The following GLB1L variants were observed in gnomAD, a reference collection of about 807,000 sequenced individuals.
GLB1L encodes galactosidase beta 1 like, also known as beta-galactosidase-1-like protein.
A neutral mutation model predicts 75.7 loss-of-function variants in GLB1L; 58 were observed. The ratio of observed to expected loss-of-function variants is 0.77; its 90% CI spans 0.62 to 0.95. The LOEUF is 0.95. Ranked by LOEUF, GLB1L falls within the 40% of genes least tolerant of loss-of-function variation. GLB1L has a pLI of 0.00. For missense variants in GLB1L, 797 were observed against 805.5 expected (o/e 0.99, Z 0.13); for synonymous variants, 296 against 303.0 (o/e 0.98, Z 0.24).
chr2:219,239,811 A>C lies in GLB1L; in HGVS notation c.744T>G (p.Phe248Leu). 6.2e-7 allele frequency: 1 copy of C among 1,614,212 alleles called. No homozygotes were observed. Among genetic ancestry groups the C allele is most frequent in the Non-Finnish European group, 8.5e-7 (1 of 1,180,042 alleles). Residue 248 changes from phenylalanine (F) to leucine (L), a missense_variant, in exon 8 of 17, where the codon TTT becomes TTG. Transcript: ENST00000295759. ...FGPADNMTKI[F>L]TLLRKYEPHG... is the part of the protein sequence containing the mutation. The stretch of plus-strand genomic sequence containing the variant: ...GGGGTTCATACTTCCGAAGCAGGGT[A>C]AAGATTTTGGTCATGTTGTCAGCTG...
In GLB1L at chr2:219,237,533, T is replaced by C. The variant is rs377210014; in HGVS notation, c.1668A>G (p.Leu556=). The stretch of plus-strand genomic sequence containing the variant: ...ATACCTTGGTCCATCCAGGTAGATA[T>C]AGAAATGTGTCCCCAACTGAGCCTA... ...PILGSVGDTF[L]YLPGWTKGQV... Residue 556 remains leucine (L), a synonymous_variant, in exon 16 of 17, where the codon CTA becomes CTG. Coordinates refer to ENST00000295759, the MANE Select transcript of GLB1L (RefSeq NM_001286423.2). 34 of 1,614,024 alleles carry C rather than the reference T, an allele frequency of 2.1e-5. No individual in the cohort carries two copies. The highest frequency in any genetic ancestry group is 1.8e-4 in the Admixed American group (11 of 60,002).
In GLB1L at chr2:219,240,261, C is replaced by T. The variant is rs780149477; in HGVS notation, c.476G>A (p.Trp159Ter). Residue 159 changes from tryptophan (W) to a stop codon, truncating the protein, a stop_gained, in exon 6 of 17, where the codon TGG becomes TAG. Transcript: ENST00000295759. LOFTEE classifies it high-confidence loss of function. Reference sequence around the variant, plus strand: ...TATCTTGGGCAGCAAGACCTTGAACCAGGAGTCCACTGCGGCAAGGAAGTC... The same window carrying T: ...TATCTTGGGCAGCAAGACCTTGAACTAGGAGTCCACTGCGGCAAGGAAGTC... ...DPDFLAAVDS[W>*]FKVLLPKIYP... 6 of 1,614,216 alleles carry T rather than the reference C, an allele frequency of 3.7e-6. No individual in the cohort carries two copies. The highest frequency in any genetic ancestry group is 3.4e-6 in the Non-Finnish European group (4 of 1,180,034).
rs1168507273 is a variant in GLB1L, at chr2:219,243,218, G to A, written c.169C>T (p.Arg57Trp). ...TCGGCCCAAAGCACCCGCGGTACCC[G>A]AAAGTAGTGCAGGCTGCCAGACACA... ...RYVSGSLHYF[R>W]VPRVLWADRL... The change falls in exon 3 of 17, where the codon CGG becomes TGG. Residue 57 changes from arginine to tryptophan, a missense_variant. Arg to Trp is a moderately radical substitution (Grantham distance 101). Transcript: ENST00000295759. 2.5e-6 allele frequency: 4 copies of A among 1,614,184 alleles called. No homozygotes were observed. The highest frequency in any genetic ancestry group is 3.4e-6 in the Non-Finnish European group (4 of 1,180,008).
In GLB1L at chr2:219,240,093, A is replaced by G; in HGVS notation, c.548T>C (p.Val183Ala). 6.2e-7 allele frequency: 1 copy of G among 1,613,680 alleles called. No individual in the cohort carries two copies. Among genetic ancestry groups the G allele is most frequent in the Non-Finnish European group, 8.5e-7 (1 of 1,179,680 alleles). The change falls in exon 7 of 17, where the codon GTG (valine) becomes GCG (alanine). Residue 183 changes from valine (V) to alanine (A), a missense_variant and splice_region_variant. Transcript: ENST00000295759. ...HNGGNIISIQ[V>A]ENEYGSYRAC... ...TCTGTAGCTACCATATTCATTCTCCACCTGCCAGAGGGGAGGGAAAGTGGA... is the reference window on the plus strand; with the variant it reads ...TCTGTAGCTACCATATTCATTCTCCGCCTGCCAGAGGGGAGGGAAAGTGGA...
At chr2:219,239,710 G>A in intron 8 of GLB1L, 28 bp from the exon 9 acceptor site, 2 of 1,614,198 alleles carry the variant, frequency 1.2e-6, no homozygotes, top group East Asian at 4.5e-5. Context: ...AGGAGTGTGA[G>A]TGAGATGGAA....
chr2:219,238,045 G>C, intron 14 of GLB1L, 88 bp from the exon 15 acceptor site: 2 of 1,353,010 alleles, frequency 1.5e-6, no homozygotes, highest in Non-Finnish European at 1.0e-6. Context: ...TACTTATTTG[G>C]AGGGCAGAGA....
intron 1 of GLB1L, among the ~76,000 whole-genome samples, chr2:219,244,588 G>A (rs542381353): frequency 6.6e-6 from 1 of 151,110 alleles, no homozygotes; most frequent in African/African-American, 2.5e-5. Context: ...GCCTGCCTCC[G>A]CAACAGATAT....
Position 219,244,659 on chromosome 2 carries a change from T to C in GLB1L, c.-71+570A>G, listed in dbSNP as rs576187820. On this transcript the variant is annotated intron_variant, in intron 1 of 16. Coordinates refer to ENST00000295759, the MANE Select transcript of GLB1L (RefSeq NM_001286423.2). ...TGTGAATTTCCGTTCCTTTTGCCTT[T>C]ACAGTCTCAAGAATGGGATGTGAAG... 1.7e-4 allele frequency among the ~76,000 whole-genome samples: 26 copies of C among 152,350 alleles called. No homozygotes were observed. In the South Asian group the frequency reaches 5.2e-3, roughly 30 times the overall value.
Position 219,240,176 on chromosome 2 carries a change from ACTTCC to A in GLB1L, c.546+10_546+14del. The A allele has an allele frequency of 1.2e-6, 2 of 1,613,708 alleles. No homozygotes were observed. The highest frequency in any genetic ancestry group is 1.1e-5 in the South Asian group (1 of 91,072). On this transcript the variant is annotated intron_variant, in intron 6 of 16. Transcript: ENST00000295759. ...TGTACCTTCTTCCCCTGCTCCAGTC[ACTTCC>A]CCCTTGTACCTGAATGCTAATGATG... is the stretch of plus-strand genomic sequence containing the variant.
intron 1 of GLB1L, 78 bp from the exon 2 acceptor site, chr2:219,243,721 C>A: frequency 1.4e-6 from 1 of 693,488 alleles, no homozygotes; most frequent in South Asian, 1.7e-5. Flanking sequence ...CTGCAGCCAC[C>A]CCCTTACTCT....
At chr2:219,243,357 A>G in intron 2 of GLB1L, 43 bp from the exon 3 acceptor site, 10 of 1,591,218 alleles carry the variant, frequency 6.3e-6, no homozygotes, top group Non-Finnish European at 8.6e-6. Flanking sequence ...GCCTGGAGGG[A>G]GCGTCGAGGG....
In GLB1L at chr2:219,238,497, G is replaced by A; in HGVS notation, c.1225C>T (p.Gln409Ter). 1 of 1,613,600 alleles carries A rather than the reference G, an allele frequency of 6.2e-7. No individual in the cohort carries two copies. Among genetic ancestry groups the A allele is most frequent in the Non-Finnish European group, 8.5e-7 (1 of 1,179,538 alleles). The change falls in exon 13 of 17, where the codon CAG becomes TAG. Residue 409 changes from glutamine to a stop codon, truncating the protein, a stop_gained and splice_region_variant. Coordinates refer to ENST00000295759, the MANE Select transcript of GLB1L (RefSeq NM_001286423.2). LOFTEE classifies it high-confidence loss of function. ...CCAGATGTGGGTTTATGCCTTACCT[G>A]CTTGACAGCCTCAAAGGTCATTGGC... ...ILPMTFEAVK[Q>*]DHGFMLYRTY...
rs1206479469 is a variant in GLB1L at position 219,242,549 on chromosome 2, C to T, written c.416G>A (p.Arg139Gln). The change falls in exon 5 of 17, where the codon CGA becomes CAA. Residue 139 changes from arginine to glutamine, a missense_variant. By Grantham distance (43) the Arg-to-Gln change is conservative (BLOSUM62 1). Transcript: ENST00000295759. Reference protein sequence around the residue: ...EMGGLPSWLLRKPEIHLRTSD... With the variant: ...EMGGLPSWLLQKPEIHLRTSD... Reference sequence around the variant, plus strand: ...GGTTCTTAGATGAATTTCAGGTTTTCGAAGCAACCAGGATGGGAGACCCCC... The same window carrying T: ...GGTTCTTAGATGAATTTCAGGTTTTTGAAGCAACCAGGATGGGAGACCCCC... 5.0e-6 allele frequency: 8 copies of T among 1,613,526 alleles called. No individual in the cohort carries two copies. Among genetic ancestry groups the T allele is most frequent in the East Asian group, 2.2e-5 (1 of 44,884 alleles).
Position 219,243,149 on chromosome 2 carries a change from A to ACTGTATGGCGTTGAGGCCGCTC in GLB1L, c.216_237dup (p.Phe80GlufsTer23). ...GCGGCTCTTGCGAGCACTTCTTACA[A>ACTGTATGGCGTTGAGGCCGCTC]CTGTATGGCGTTGAGGCCGCTCCAT... is the stretch of plus-strand genomic sequence containing the variant. On this transcript the variant is annotated frameshift_variant and splice_region_variant, in exon 3 of 17. Transcript: ENST00000295759. LOFTEE classifies it high-confidence loss of function. 6.2e-7 allele frequency: 1 copy of ACTGTATGGCGTTGAGGCCGCTC among 1,604,984 alleles called. No individual in the cohort carries two copies. The highest frequency in any genetic ancestry group is 8.5e-7 in the Non-Finnish European group (1 of 1,175,676).
At position 219,238,904 on chromosome 2, in the gene GLB1L, A is replaced by G. The variant is rs1951319328; in HGVS notation, c.1063-125T>C. On this transcript the variant is annotated intron_variant, in intron 11 of 16. Transcript: ENST00000295759. ...GCTTCAGGGATCATGGAGGCTCAAT[A>G]ATTTTGCACACCTGTGTGTCTTCAC... 15 of 894,006 alleles carry G rather than the reference A, an allele frequency of 1.7e-5. 1 individual carries two copies. The South Asian group carries it at 2.3e-4, about 14-fold the overall frequency. 55.4% of individuals were successfully genotyped at this position (894,006 alleles called of 1,614,324 possible).
Position 219,237,218 on chromosome 2 carries a change from G to C in GLB1L, c.1819C>G (p.Leu607Val), listed in dbSNP as rs779494101. 18 of 1,614,186 alleles carry C rather than the reference G, an allele frequency of 1.1e-5. No homozygotes were observed. The highest frequency in any genetic ancestry group is 1.6e-4 in the Middle Eastern group (1 of 6,062). ...TGGGGCTGGAGAGGTACATCTTCTAGTTCCAGCAATGTAATTTTGTTGAGG... is the reference window on the plus strand; with the variant it reads ...TGGGGCTGGAGAGGTACATCTTCTACTTCCAGCAATGTAATTTTGTTGAGG... ...GALNKITLLE[L>V]EDVPLQPQVQ... is the part of the protein sequence containing the mutation. The change falls in exon 17 of 17, where the codon CTA (leucine) becomes GTA (valine). Residue 607 changes from leucine to valine, a missense_variant. Leu to Val is a conservative substitution (Grantham distance 32, BLOSUM62 1). Transcript: ENST00000295759.
rs368971806 is a variant in GLB1L, at chr2:219,242,897, G to C, written c.261C>G (p.His87Gln). The change falls in exon 4 of 17, where the codon CAC (histidine) becomes CAG (glutamine). Residue 87 changes from histidine to glutamine, a missense_variant. Physicochemically the swap from His to Gln is conservative, Grantham distance 24. Transcript: ENST00000295759. ...AIQFYVPWNYHEPQPGVYNFN... is the reference protein window; with the variant it reads ...AIQFYVPWNYQEPQPGVYNFN... ...AGTTATAGACCCCAGGCTGTGGCTC[G>C]TGGTAGTTCCAGGGCACATAACTGA... 6.2e-7 allele frequency: 1 copy of C among 1,614,218 alleles called. No individual in the cohort carries two copies. The highest frequency in any genetic ancestry group is 1.1e-5 in the South Asian group (1 of 91,090).
intron 1 of GLB1L, among the ~76,000 whole-genome samples, chr2:219,244,598 T>C (rs1951483517): frequency 6.6e-6 from 1 of 152,202 alleles, no homozygotes; most frequent in African/African-American, 2.4e-5. Context: ...GCAACAGATA[T>C]TAAGGACAAC....
At position 219,237,673 on chromosome 2, in the gene GLB1L, ACAT is replaced by A; in HGVS notation, c.1525_1527del (p.Met509del). On this transcript the variant is annotated inframe_deletion, in exon 16 of 17. Coordinates refer to ENST00000295759, the MANE Select transcript of GLB1L (RefSeq NM_001286423.2). ...ACAAGGTTATCAATTTTCAGAGGGAACATCATCCACTGGGTAAGGATTGTTTGC... is the reference window on the plus strand; with the variant it reads ...ACAAGGTTATCAATTTTCAGAGGGAACATCCACTGGGTAAGGATTGTTTGC... 2 of 1,614,242 alleles carry A rather than the reference ACAT, an allele frequency of 1.2e-6. No homozygotes were observed. The highest frequency in any genetic ancestry group is 1.7e-6 in the Non-Finnish European group (2 of 1,180,052).
Sources: allele counts gnomAD v4.1 joint callset (sites outside exome capture counted in the v4.1 genomes callset), GRCh38; gene constraint gnomAD v4.1.1; transcripts MANE v1.5; gene names NCBI Gene and HGNC (gene_info 2026-07-23, HGNC 2026-07-21).